Variants in ARHGAP6 observed in about 807,000 individuals in gnomAD.
The protein encoded by ARHGAP6 is Rho GTPase activating protein 6, also known as rho GTPase-activating protein 6.
A neutral mutation model predicts 55.7 loss-of-function variants in ARHGAP6; 16 were observed. The observed-to-expected ratio is 0.29, with a 90% confidence interval of 0.19 to 0.44. ARHGAP6 has a LOEUF of 0.44. ARHGAP6 is among the 20% of genes least tolerant of loss of function. The probability of loss-of-function intolerance (pLI) is 1.00; values close to 1 mark genes in which losing one functional copy is unlikely to be tolerated. For missense variants in ARHGAP6, 698 were observed against 808.9 expected (o/e 0.86, Z 1.66); for synonymous variants, 382 against 360.9 (o/e 1.06, Z -0.66).
rs775276954 is a variant in ARHGAP6, at chrX:11,149,891, A to T, written c.1908-5643T>A. 2.7e-5 allele frequency among the ~76,000 whole-genome samples: 3 copies of T among 111,927 alleles called. No individual in the cohort carries two copies. The South Asian group carries it at 1.1e-3, about 42-fold the overall frequency. On this transcript the variant is annotated intron_variant, in intron 10 of 12. Coordinates refer to ENST00000337414, the MANE Select transcript of ARHGAP6 (RefSeq NM_013427.3). ...TTTATTTTTTTTCAGACTAGTACAG[A>T]TCTTCAACCATGCTCTTGATACACT... is the stretch of plus-strand genomic sequence containing the variant.
In ARHGAP6 at chrX:11,492,151, T is replaced by G. The variant is rs957167367; in HGVS notation, c.588+172090A>C. ...GTAGGTTGCGAAAATTTTCTCCCAT[T>G]TTGTAGGTTGCCTGTTCACTCTGAT... On this transcript the variant is annotated intron_variant, in intron 1 of 12. Coordinates refer to ENST00000337414, the MANE Select transcript of ARHGAP6 (RefSeq NM_013427.3). 5.4e-3 allele frequency among the ~76,000 whole-genome samples: 578 copies of G among 107,466 alleles called. 4 individuals are homozygous for G. The highest frequency in any genetic ancestry group is 0.018 in the African/African-American group (517 of 29,101). 93.3% of individuals were successfully genotyped at this position (107,466 alleles called of 115,157 possible). A position where few individuals can be genotyped will look rare whatever the true frequency, so the allele number is the denominator to read the frequency against.
chrX:11,624,482 G>A (rs1179902769), intron 1 of ARHGAP6, among the ~76,000 whole-genome samples: 7 of 113,086 alleles, frequency 6.2e-5, no homozygotes, highest in Non-Finnish European at 1.3e-4. Flanking sequence ...TTCATCTGAC[G>A]TTAACAACCT....
At chrX:11,509,564 A>C (rs1216130710) in intron 1 of ARHGAP6, among the ~76,000 whole-genome samples, 2 of 111,916 alleles carry the variant, frequency 1.8e-5, no homozygotes, top group Admixed American at 9.5e-5. Context: ...GTGGACCTTC[A>C]CATTCTCAGT....
At chrX:11,605,224 G>A (rs1377646322) in intron 1 of ARHGAP6, among the ~76,000 whole-genome samples, 2 of 111,397 alleles carry the variant, frequency 1.8e-5, no homozygotes, top group African/African-American at 6.5e-5. Context: ...TAAGGCTCTT[G>A]GATTTCCATG....
chrX:11,273,258 C>CA (rs1173342574), intron 1 of ARHGAP6, among the ~76,000 whole-genome samples: 1 of 110,166 alleles, frequency 9.1e-6, no homozygotes, highest in Non-Finnish European at 1.9e-5. Flanking sequence ...AAAACAGTTA[C>CA]AAAAAAATCA....
intron 1 of ARHGAP6, among the ~76,000 whole-genome samples, chrX:11,390,907 G>A (rs1360465859): frequency 2.7e-5 from 3 of 112,036 alleles, no homozygotes; most frequent in Non-Finnish European, 5.6e-5. Flanking sequence ...ACAGTGTGGT[G>A]ATTCCTCAGG....
intron 1 of ARHGAP6, among the ~76,000 whole-genome samples, chrX:11,496,088 G>T (rs921727356): frequency 8.0e-5 from 9 of 112,262 alleles, no homozygotes; most frequent in African/African-American, 2.9e-4. Context: ...CACCTTAACT[G>T]CAGCCTCATA....
chrX:11,152,390 T>C (rs1402814703), intron 10 of ARHGAP6, among the ~76,000 whole-genome samples: 1 of 111,975 alleles, frequency 8.9e-6, no homozygotes, highest in Non-Finnish European at 1.9e-5. Flanking sequence ...TACTGTAATT[T>C]ACTATAATTT....
At chrX:11,598,135 T>C (rs1366662948) in intron 1 of ARHGAP6, among the ~76,000 whole-genome samples, 1 of 110,952 alleles carries the variant, frequency 9.0e-6, no homozygotes, top group Non-Finnish European at 1.9e-5. Flanking sequence ...ACTGATTGGA[T>C]GTAGGGTGGG....
rs148958449 is a variant in ARHGAP6, at chrX:11,311,099, A to G, written c.589-56392T>C. Among the ~76,000 whole-genome samples, 596 of 111,498 alleles carry G rather than the reference A, an allele frequency of 5.3e-3. 3 individuals carry two copies. Among genetic ancestry groups the G allele is most frequent in the African/African-American group, 0.019 (570 of 30,666 alleles). On this transcript the variant is annotated intron_variant, in intron 1 of 12. Transcript: ENST00000337414. Reference sequence around the variant, plus strand: ...ACTTTTTTGAGCACTTAAACAAAAAAATTAGGGTATTGCCTCCAGGGGCCA... The same window carrying G: ...ACTTTTTTGAGCACTTAAACAAAAAGATTAGGGTATTGCCTCCAGGGGCCA...
intron 1 of ARHGAP6, among the ~76,000 whole-genome samples, chrX:11,337,751 C>T (rs1293383927): frequency 3.6e-5 from 4 of 112,617 alleles, no homozygotes; most frequent in African/African-American, 6.4e-5. Context: ...ACCAAGTCAA[C>T]AGATGTTGTC....
At chrX:11,417,577 A>G (rs1644954598) in intron 1 of ARHGAP6, among the ~76,000 whole-genome samples, 2 of 111,781 alleles carry the variant, frequency 1.8e-5, no homozygotes, top group African/African-American at 6.5e-5. Context: ...TATTGTGTAA[A>G]TAAGATGCTA....
At chrX:11,341,878 G>A (rs1191613155) in intron 1 of ARHGAP6, among the ~76,000 whole-genome samples, 4 of 111,557 alleles carry the variant, frequency 3.6e-5, no homozygotes, top group Admixed American at 9.5e-5. Context: ...GCAGAGATAT[G>A]AATAGACTGT....
rs2049205710 is a variant in ARHGAP6 at position 11,376,743 on chromosome X, G to C, written c.589-122036C>G. 2.7e-5 allele frequency among the ~76,000 whole-genome samples: 3 copies of C among 112,217 alleles called. No individual in the cohort carries two copies. In the South Asian group the frequency reaches 1.1e-3, roughly 42 times the overall value. On this transcript the variant is annotated intron_variant, in intron 1 of 12. Transcript: ENST00000337414. The stretch of plus-strand genomic sequence containing the variant: ...CAGCACAATTGTTAAAATCATGCTT[G>C]GTTGTCATTTTACAGCATACAAAGC...
Position 11,176,862 on chromosome X carries a change from C to T in ARHGAP6, c.1629+1238G>A, listed in dbSNP as rs752608231. Among the ~76,000 whole-genome samples the T allele has an allele frequency of 1.9e-3, 216 of 112,059 alleles. 1 individual carries two copies. The highest frequency in any genetic ancestry group is 0.018 in the Middle Eastern group (4 of 217). Reference sequence around the variant, plus strand: ...TCTGGGGCTTCACTAATTATAACTGCTATAGAGATAAATGGCTAAGTCAGG... The same window carrying T: ...TCTGGGGCTTCACTAATTATAACTGTTATAGAGATAAATGGCTAAGTCAGG... On this transcript the variant is annotated intron_variant, in intron 8 of 12. Transcript: ENST00000337414.
At chrX:11,259,981 TG>T (rs2047537590) in intron 1 of ARHGAP6, among the ~76,000 whole-genome samples, 1 of 111,384 alleles carries the variant, frequency 9.0e-6, no homozygotes, top group Admixed American at 9.6e-5. Flanking sequence ...ATTATTGAGA[TG>T]GGGAGATTAT....
At chrX:11,309,927 G>A (rs754857050) in intron 1 of ARHGAP6, among the ~76,000 whole-genome samples, 45 of 110,455 alleles carry the variant, frequency 4.1e-4, no homozygotes, top group African/African-American at 1.4e-3. Context: ...CAAGGTGGGC[G>A]GATCACTTGA....
At chrX:11,607,180 T>A (rs1009945429) in intron 1 of ARHGAP6, among the ~76,000 whole-genome samples, 5 of 112,202 alleles carry the variant, frequency 4.5e-5, no homozygotes, top group African/African-American at 1.6e-4. Flanking sequence ...GCAGACTACT[T>A]TTTTGCCCTT....
chrX:11,415,504 A>T (rs1239351354), intron 1 of ARHGAP6, among the ~76,000 whole-genome samples: 2 of 112,215 alleles, frequency 1.8e-5, no homozygotes, highest in Non-Finnish European at 1.9e-5. Context: ...AAGTATTGGC[A>T]TTCTCAGGAT....
Sources: allele counts gnomAD v4.1 joint callset (sites outside exome capture counted in the v4.1 genomes callset), GRCh38; gene constraint gnomAD v4.1.1; transcripts MANE v1.5; gene names NCBI Gene and HGNC (gene_info 2026-07-23, HGNC 2026-07-21).